The following PDZRN4 variants were observed in gnomAD, a reference collection of about 807,000 sequenced individuals.
PDZRN4 encodes the protein PDZ domain containing ring finger 4.
Under a neutral mutation model 99.0 loss-of-function variants are expected in PDZRN4, and 70 were observed. The ratio of observed to expected loss-of-function variants is 0.71; its 90% confidence interval spans 0.58 to 0.86. The LOEUF (loss-of-function observed/expected upper bound fraction) is 0.86. Ranked by LOEUF, PDZRN4 falls within the 40% of genes least tolerant of loss-of-function variation. The pLI is 0.00. For missense variants in PDZRN4, 1,474 were observed against 1,331.2 expected, an observed-to-expected ratio of 1.11 and a Z score of -1.67; for synonymous variants, 551 against 501.6, an observed-to-expected ratio of 1.10 and a Z score of -1.32.
chr12:41,471,161 G>A (rs866066233), intron 3 of PDZRN4, among the ~76,000 whole-genome samples: 20 of 152,288 alleles, frequency 1.3e-4, no homozygotes, highest in Middle Eastern at 6.8e-3. Context: ...AGGACAAAGC[G>A]CACCGCTATG....
chr12:41,344,563 A>G (rs1428114930), intron 3 of PDZRN4, among the ~76,000 whole-genome samples: 2 of 151,696 alleles, frequency 1.3e-5, no homozygotes, highest in African/African-American at 4.8e-5. Context: ...AGAAAAAACA[A>G]CTTTCTTGCT....
chr12:41,355,896 C>G (rs544187458), intron 3 of PDZRN4, among the ~76,000 whole-genome samples: 2 of 152,144 alleles, frequency 1.3e-5, no homozygotes, highest in East Asian at 1.9e-4. Flanking sequence ...TGCCATTACT[C>G]AGTACAATGA....
chr12:41,409,179 A>G (rs911784179), intron 3 of PDZRN4, among the ~76,000 whole-genome samples: 8 of 152,184 alleles, frequency 5.3e-5, no homozygotes, highest in Non-Finnish European at 1.2e-4. Context: ...GGAATTTATC[A>G]TACTTTTAGA....
intron 3 of PDZRN4, among the ~76,000 whole-genome samples, chr12:41,228,203 G>A (rs925777400): frequency 6.6e-6 from 1 of 152,136 alleles, no homozygotes; most frequent in Non-Finnish European, 1.5e-5. Flanking sequence ...GCCCAGTGAA[G>A]ATGTTTTCAA....
intron 3 of PDZRN4, chr12:41,411,692 T>C (rs1429160368): frequency 6.6e-6 from 1 of 152,206 alleles, no homozygotes; most frequent in Non-Finnish European, 1.5e-5. Flanking sequence ...GCAAGAATGC[T>C]ATTTCAAGTA....
At chr12:41,432,068 A>G (rs960220937) in intron 3 of PDZRN4, among the ~76,000 whole-genome samples, 3 of 152,208 alleles carry the variant, frequency 2.0e-5, no homozygotes, top group African/African-American at 7.2e-5. Context: ...AACTACAAAA[A>G]TCTGGCATTC....
At chr12:41,231,608 T>C (rs1293876870) in intron 3 of PDZRN4, among the ~76,000 whole-genome samples, 4 of 152,146 alleles carry the variant, frequency 2.6e-5, no homozygotes, top group African/African-American at 7.2e-5. Flanking sequence ...ATTTACTTAG[T>C]CATTTTTACT....
intron 3 of PDZRN4, chr12:41,411,964 C>G (rs958539103): frequency 6.6e-6 from 1 of 152,134 alleles, no homozygotes; most frequent in African/African-American, 2.4e-5. Context: ...CAGGTCTACT[C>G]CGGTGTCTGC....
chr12:41,386,161 A>G (rs149124303), intron 3 of PDZRN4, among the ~76,000 whole-genome samples: 34 of 152,298 alleles, frequency 2.2e-4, no homozygotes, highest in African/African-American at 7.9e-4. Flanking sequence ...CAGGAAATAT[A>G]CCTCAAAATA....
intron 3 of PDZRN4, among the ~76,000 whole-genome samples, chr12:41,417,762 C>T (rs1217230018): frequency 6.6e-6 from 1 of 152,116 alleles, no homozygotes; most frequent in African/African-American, 2.4e-5. Flanking sequence ...ATAATATGAC[C>T]AGAAGTGCAT....
At position 41,406,617 on chromosome 12, in the gene PDZRN4, G is replaced by A. The variant is rs546064351; in HGVS notation, c.844-99839G>A. 3.3e-5 allele frequency among the ~76,000 whole-genome samples: 5 copies of A among 152,052 alleles called. No individual in the cohort carries two copies. In the South Asian group the frequency reaches 8.3e-4, roughly 25 times the overall value. ...TTGCTTAAAAAGACAATTCAGGCCC[G>A]GCACGGTGGCTCACGCCTGTAATCC... On this transcript the variant is annotated intron_variant, in intron 3 of 9. Transcript: ENST00000402685.
intron 3 of PDZRN4, among the ~76,000 whole-genome samples, chr12:41,414,555 TAAA>T (rs998192944): frequency 6.6e-5 from 10 of 151,578 alleles, no homozygotes; most frequent in African/African-American, 2.4e-4. Flanking sequence ...CTGAAAAAAA[TAAA>T]AAGTATAAAA....
At chr12:41,308,620 T>G (rs1305566658) in intron 3 of PDZRN4, among the ~76,000 whole-genome samples, 2 of 152,062 alleles carry the variant, frequency 1.3e-5, no homozygotes, top group Non-Finnish European at 2.9e-5. Flanking sequence ...TCTTTATAAA[T>G]AGGAAAAAGA....
intron 3 of PDZRN4, among the ~76,000 whole-genome samples, chr12:41,199,160 A>G (rs1343189778): frequency 6.6e-6 from 1 of 152,152 alleles, no homozygotes; most frequent in East Asian, 1.9e-4. Flanking sequence ...AATGGTGCTA[A>G]TTTTTTGATG....
chr12:41,232,425 G>A (rs556683180), intron 3 of PDZRN4, among the ~76,000 whole-genome samples: 2 of 152,130 alleles, frequency 1.3e-5, no homozygotes, highest in South Asian at 4.1e-4. Context: ...TCTGTAAGCG[G>A]GTGTTCATCG....
At chr12:41,292,395 A>G (rs1416200097) in intron 3 of PDZRN4, among the ~76,000 whole-genome samples, 1 of 152,210 alleles carries the variant, frequency 6.6e-6, no homozygotes, top group Non-Finnish European at 1.5e-5. Flanking sequence ...ACCAAGAGAA[A>G]AAATGGCAAA....
chr12:41,446,484 G>C (rs1952729784), intron 3 of PDZRN4, among the ~76,000 whole-genome samples: 1 of 151,438 alleles, frequency 6.6e-6, no homozygotes, highest in Admixed American at 6.6e-5. Flanking sequence ...ATCAGTGACA[G>C]TAAATGTTTT....
At chr12:41,368,335 C>G (rs1042446263) in intron 3 of PDZRN4, among the ~76,000 whole-genome samples, 2 of 152,064 alleles carry the variant, frequency 1.3e-5, no homozygotes, top group Non-Finnish European at 2.9e-5. Context: ...CCAGTATTTT[C>G]TACTCTTGAC....
chr12:41,531,268 T>A (rs1191531120), intron 5 of PDZRN4, among the ~76,000 whole-genome samples: 1 of 151,890 alleles, frequency 6.6e-6, no homozygotes, highest in Non-Finnish European at 1.5e-5. Context: ...TCCCTCGGAG[T>A]AGGGCCACTC....
Sources: gnomAD v4.1 joint callset for allele counts (sites outside exome capture counted in the v4.1 genomes callset) on GRCh38, gnomAD v4.1.1 for gene constraint, MANE v1.5 for transcripts, NCBI Gene and HGNC (gene_info 2026-07-23, HGNC 2026-07-21) for gene names.